KAT6A: variants seen among roughly 807,000 people sequenced by gnomAD.
The protein encoded by KAT6A is lysine acetyltransferase 6A.
Under a neutral mutation model 198.4 loss-of-function variants are expected in KAT6A, and 9 were observed. The observed-to-expected ratio is 0.05, with a 90% confidence interval of 0.03 to 0.08. KAT6A has a LOEUF of 0.08. Among genes scored for constraint, KAT6A ranks in the 10% least tolerant of loss-of-function variants. The pLI, the probability that KAT6A is intolerant of heterozygous loss-of-function variation, is 1.00. For synonymous variants in KAT6A, 890 were observed against 883.0 expected, an observed-to-expected ratio of 1.01 and a Z score of -0.14; for missense variants, 2,077 against 2,509.9, an observed-to-expected ratio of 0.83 and a Z score of 3.69.
At chr8:41,948,859 A>AGC (rs1822525620) in intron 10 of KAT6A, among the ~76,000 whole-genome samples, 1 of 152,134 alleles carries the variant, frequency 6.6e-6, no homozygotes, top group Non-Finnish European at 1.5e-5. Flanking sequence ...GAGGATCAAG[A>AGC]GCGCTACTAA....
intron 2 of KAT6A, among the ~76,000 whole-genome samples, chr8:41,989,510 G>A (rs1824805762): frequency 6.6e-6 from 1 of 150,626 alleles, no homozygotes; most frequent in South Asian, 2.1e-4. Flanking sequence ...AGTCCATCTC[G>A]GAAAAATAAC....
At chr8:41,996,824 G>C (rs979893052) in intron 2 of KAT6A, among the ~76,000 whole-genome samples, 9 of 152,112 alleles carry the variant, frequency 5.9e-5, no homozygotes, top group Non-Finnish European at 1.2e-4. Context: ...GTAGCATTCT[G>C]TTACAACAGC....
At chr8:42,041,748 A>G (rs1392954116) in intron 2 of KAT6A, among the ~76,000 whole-genome samples, 1 of 152,084 alleles carries the variant, frequency 6.6e-6, no homozygotes, top group Non-Finnish European at 1.5e-5. Context: ...AAAAAAAAAA[A>G]AGAAAAGAAA....
intron 8 of KAT6A, among the ~76,000 whole-genome samples, chr8:41,970,650 G>A (rs1052950528): frequency 1.3e-5 from 2 of 152,196 alleles, no homozygotes; most frequent in Admixed American, 1.3e-4. Flanking sequence ...CAAGAATCAT[G>A]GAAGACAGTG....
At chr8:42,024,757 G>A (rs1376386135) in intron 2 of KAT6A, among the ~76,000 whole-genome samples, 2 of 152,134 alleles carry the variant, frequency 1.3e-5, no homozygotes, top group Admixed American at 1.3e-4. Flanking sequence ...GCAAATGATA[G>A]AGTTTCATTC....
chr8:41,991,077 T>G (rs976147562), intron 2 of KAT6A, among the ~76,000 whole-genome samples: 2 of 150,718 alleles, frequency 1.3e-5, no homozygotes, highest in Non-Finnish European at 2.9e-5. Context: ...CAAGACCAAT[T>G]TGAAAATGTT....
intron 1 of KAT6A, among the ~76,000 whole-genome samples, chr8:42,050,041 A>T (rs1201082609): frequency 6.9e-6 from 1 of 145,870 alleles, no homozygotes; most frequent in East Asian, 2.1e-4. Context: ...AGAGAGTCAC[A>T]ACTGTCAAAC....
At chr8:41,993,919 A>G (rs907907512) in intron 2 of KAT6A, among the ~76,000 whole-genome samples, 6 of 152,220 alleles carry the variant, frequency 3.9e-5, no homozygotes, top group African/African-American at 1.2e-4. Flanking sequence ...TGGGTTCACC[A>G]TAAGATTTGA....
Position 41,950,931 on chromosome 8 carries a change from GA to G in KAT6A, c.1599-1569del, listed in dbSNP as rs376501929. On this transcript the variant is annotated intron_variant, in intron 9 of 16. Transcript: ENST00000265713. ...AATGCTAATTACTTTTCTGGAAACA[GA>G]AGGGAGAGGGGAGAGAGGAAGGGAG... Among the ~76,000 whole-genome samples the G allele has an allele frequency of 2.5e-3, 378 of 152,162 alleles. 3 individuals carry two copies. Among genetic ancestry groups the G allele is most frequent in the East Asian group, 0.021 (109 of 5,180 alleles).
At chr8:41,960,126 T>C (rs980644774) in intron 8 of KAT6A, among the ~76,000 whole-genome samples, 2 of 144,778 alleles carry the variant, frequency 1.4e-5, no homozygotes, top group African/African-American at 5.1e-5. Flanking sequence ...GAAGACAGAA[T>C]GATGCTTACC....
chr8:42,032,285 G>T (rs1327376086), intron 2 of KAT6A, among the ~76,000 whole-genome samples: 1 of 152,058 alleles, frequency 6.6e-6, no homozygotes, highest in African/African-American at 2.4e-5. Context: ...TTCTGACTAA[G>T]TAAAACTTGG....
At chr8:42,049,727 G>C (rs923442888) in intron 1 of KAT6A, 5 of 152,060 alleles carry the variant, frequency 3.3e-5, no homozygotes, top group Admixed American at 2.6e-4. Context: ...AAGTAAAAGT[G>C]AATCTTTCAT....
rs1308757595 is a variant in KAT6A at position 41,931,822 on chromosome 8, T to G, written c.*383A>C. On this transcript the variant is annotated 3_prime_UTR_variant, in exon 17 of 17. Transcript: ENST00000265713. ...ATTTAAAAATGACAACATTGGGAGCTGCAAACAGTGAGGGGAAACATACAT... is the reference window on the plus strand; with the variant it reads ...ATTTAAAAATGACAACATTGGGAGCGGCAAACAGTGAGGGGAAACATACAT... 1 of 216,560 alleles carries G rather than the reference T, an allele frequency of 4.6e-6. No individual in the cohort carries two copies. Among genetic ancestry groups the G allele is most frequent in the Non-Finnish European group, 9.3e-6 (1 of 107,568 alleles). 13.4% of individuals were successfully genotyped at this position (216,560 alleles called of 1,614,324 possible). A position where few individuals can be genotyped will look rare whatever the true frequency, so the allele number is the denominator to read the frequency against.
chr8:41,984,391 A>T (rs1050404986), intron 3 of KAT6A, among the ~76,000 whole-genome samples: 1 of 152,194 alleles, frequency 6.6e-6, no homozygotes, highest in African/African-American at 2.4e-5. Flanking sequence ...TCCACATGGC[A>T]CGGAACTGAA....
intron 2 of KAT6A, among the ~76,000 whole-genome samples, chr8:42,013,399 A>G (rs1366823984): frequency 1.3e-5 from 2 of 151,712 alleles, no homozygotes; most frequent in Non-Finnish European, 2.9e-5. Context: ...AAACCCAGCT[A>G]ATTTTTGTAT....
At chr8:41,945,923 G>A (rs752039002) in intron 12 of KAT6A, among the ~76,000 whole-genome samples, 3 of 151,790 alleles carry the variant, frequency 2.0e-5, no homozygotes, top group Non-Finnish European at 4.4e-5. Context: ...CCAGCTACTC[G>A]GGAGGCTGAG....
chr8:42,002,211 G>A (rs1048230376), intron 2 of KAT6A, among the ~76,000 whole-genome samples: 1 of 152,186 alleles, frequency 6.6e-6, no homozygotes, highest in Non-Finnish European at 1.5e-5. Context: ...GGTTACCCAA[G>A]TCATAAAGAT....
chr8:41,940,512 T>C (rs1822057545), intron 15 of KAT6A, among the ~76,000 whole-genome samples: 1 of 152,190 alleles, frequency 6.6e-6, no homozygotes, highest in South Asian at 2.1e-4. Flanking sequence ...CTTTTAAAGA[T>C]ATTTTAGGGC....
In KAT6A at chr8:42,000,560, GAAGAAAAAAAA is replaced by G. The variant is rs201774388; in HGVS notation, c.601-13008_601-12998del. Among the ~76,000 whole-genome samples the G allele has an allele frequency of 4.1e-5, 6 of 146,390 alleles. No homozygotes were observed. In the East Asian group the frequency reaches 8.0e-4, roughly 19 times the overall value. ...AGCAAGACTCCATCTCAAAAAAACA[GAAGAAAAAAAA>G]AAGAAAAAAAAGTGATGTTTTAGAA... On this transcript the variant is annotated intron_variant, in intron 2 of 16. Transcript: ENST00000265713.
Sources: allele counts gnomAD v4.1 joint callset (sites outside exome capture counted in the v4.1 genomes callset), GRCh38; gene constraint gnomAD v4.1.1; transcripts MANE v1.5; gene names NCBI Gene and HGNC (gene_info 2026-07-23, HGNC 2026-07-21).